The following GOLGB1 variants were observed in gnomAD, a reference collection of about 807,000 sequenced individuals.
GOLGB1 encodes the protein golgin B1.
Under a neutral mutation model 336.9 loss-of-function variants are expected in GOLGB1, and 174 were observed. The ratio of observed to expected loss-of-function variants is 0.52; its 90% confidence interval spans 0.46 to 0.59. GOLGB1 has a LOEUF of 0.59. Among genes scored for constraint, GOLGB1 ranks in the 20% least tolerant of loss-of-function variants. The probability of loss-of-function intolerance (pLI) is 0.00; values close to 1 mark genes in which losing one functional copy is unlikely to be tolerated. For synonymous variants in GOLGB1, 1,208 were observed against 1,289.2 expected, an observed-to-expected ratio of 0.94 and a Z score of 1.35; for missense variants, 3,331 against 3,645.3, an observed-to-expected ratio of 0.91 and a Z score of 2.22.
At chr3:121,677,179 C>A in intron 16 of GOLGB1, 106 bp downstream of exon 16, 1 of 1,210,278 alleles carries the variant, frequency 8.3e-7, no homozygotes, top group Non-Finnish European at 1.2e-6. Flanking sequence ...TTGTAGGAAG[C>A]TGATGCTTTC....
At chr3:121,688,900 C>A (rs1289778833) in intron 14 of GOLGB1, among the ~76,000 whole-genome samples, 1 of 150,232 alleles carries the variant, frequency 6.7e-6, no homozygotes. Flanking sequence ...TGAGGAGACC[C>A]TCCGCCTGGC....
chr3:121,730,719 C>A, intron 2 of GOLGB1, 157 bp downstream of exon 2: 1 of 638,432 alleles, frequency 1.6e-6, no homozygotes, highest in East Asian at 3.1e-5. Flanking sequence ...TAAAAACTTA[C>A]AAGAGAAGGA....
intron 9 of GOLGB1, among the ~76,000 whole-genome samples, chr3:121,716,249 TC>T (rs1944768243): frequency 1.3e-5 from 2 of 152,192 alleles, no homozygotes; most frequent in African/African-American, 4.8e-5. Context: ...TTTAAAAGTT[TC>T]CTTTATACCT....
At chr3:121,734,890 C>T (rs1946374888) in intron 1 of GOLGB1, among the ~76,000 whole-genome samples, 1 of 152,112 alleles carries the variant, frequency 6.6e-6, no homozygotes, top group Admixed American at 6.6e-5. Flanking sequence ...CTGAAAATAG[C>T]CAAGATATCC....
chr3:121,694,290 G>A lies in GOLGB1; in HGVS notation c.6233C>T (p.Ala2078Val). 2 of 1,610,260 alleles carry A rather than the reference G, an allele frequency of 1.2e-6. No homozygotes were observed. The highest frequency in any genetic ancestry group is 2.2e-5 in the South Asian group (2 of 90,990). ...LAQAVEHRKKAQAELASFKVL... is the reference protein window; with the variant it reads ...LAQAVEHRKKVQAELASFKVL... ...TTTGAAGCTAGCTAATTCTGCTTGT[G>A]CCTTTTTGCGGTGTTCAACTGCTTG... The change falls in exon 13 of 22, where the codon GCA becomes GTA. Residue 2078 changes from alanine (A) to valine (V), a missense_variant. Ala to Val is a moderately conservative substitution (Grantham distance 64). Coordinates refer to ENST00000614479, the MANE Select transcript of GOLGB1 (RefSeq NM_001366282.2).
chr3:121,691,549 T>A lies in GOLGB1; in HGVS notation c.7815A>T (p.Leu2605Phe). The A allele has an allele frequency of 6.2e-7, 1 of 1,613,130 alleles. No individual in the cohort carries two copies. ...FNALQEEKQD[L>F]SKEIESLKVS... ...CTTTCAAACTCTCAATCTCTTTAGA[T>A]AAATCTTGTTTCTCTTCTTGTAGGG... The change falls in exon 14 of 22, where the codon TTA becomes TTT. Residue 2605 changes from leucine to phenylalanine, a missense_variant. Transcript: ENST00000614479.
intron 10 of GOLGB1, among the ~76,000 whole-genome samples, chr3:121,704,305 G>A (rs558785861): frequency 5.9e-5 from 9 of 151,976 alleles, no homozygotes; most frequent in Non-Finnish European, 1.2e-4. Flanking sequence ...ACAAAAGCAA[G>A]CAAGAAAATG....
At chr3:121,680,369 TA>T (rs1312007681) in intron 15 of GOLGB1, among the ~76,000 whole-genome samples, 1 of 152,226 alleles carries the variant, frequency 6.6e-6, no homozygotes. Context: ...ATCAACAGTT[TA>T]TAACACTGAG....
At chr3:121,702,382 G>T in intron 11 of GOLGB1, 99 bp downstream of exon 11, 2 of 457,548 alleles carry the variant, frequency 4.4e-6, no homozygotes, top group Non-Finnish European at 7.8e-6. Flanking sequence ...TTATTATCAC[G>T]GAATCAGAGA....
Position 121,664,621 on chromosome 3 carries a change from G to T in GOLGB1, c.9661-7C>A, listed in dbSNP as rs199538697. ...ATCCAACGCCACTCCGGGTCTGAAA[G>T]AAAAATGTGAAAGTCAGAGAGTTTT... On this transcript the variant is annotated splice_region_variant and splice_polypyrimidine_tract_variant and intron_variant, in intron 21 of 21. Coordinates refer to ENST00000614479, the MANE Select transcript of GOLGB1 (RefSeq NM_001366282.2). 19 of 1,613,438 alleles carry T rather than the reference G, an allele frequency of 1.2e-5. No homozygotes were observed. In the Admixed American group the frequency reaches 2.0e-4, roughly 17 times the overall value.
At chr3:121,729,099 G>T (rs1576451662) in intron 4 of GOLGB1, 89 bp downstream of exon 4, 4 of 855,252 alleles carry the variant, frequency 4.7e-6, no homozygotes, top group East Asian at 2.6e-5. Flanking sequence ...TATCATTTTA[G>T]CATCCTAAAT....
chr3:121,698,451 A>G lies in GOLGB1; in HGVS notation c.2072T>C (p.Leu691Ser). Residue 691 changes from leucine (L) to serine (S), a missense_variant, in exon 13 of 22, where the codon TTG becomes TCG. Coordinates refer to ENST00000614479, the MANE Select transcript of GOLGB1 (RefSeq NM_001366282.2). ...PDIGQCHQDELERLKSQILEL... is the reference protein window; with the variant it reads ...PDIGQCHQDESERLKSQILEL... ...CAAAATTTGACTTTTTAACCTTTCC[A>G]ACTCATCCTGATGACACTGACCAAT... 6.2e-7 allele frequency: 1 copy of G among 1,613,938 alleles called. No individual in the cohort carries two copies. The highest frequency in any genetic ancestry group is 1.3e-5 in the African/African-American group (1 of 75,050).
rs140755094 is a variant in GOLGB1, at chr3:121,743,880, A to G, written c.-3+5752T>C. On this transcript the variant is annotated intron_variant, in intron 1 of 21. Coordinates refer to ENST00000614479, the MANE Select transcript of GOLGB1 (RefSeq NM_001366282.2). Reference sequence around the variant, plus strand: ...TGATGACAACATTCTAATAAATTTTAATTAGAATATTAAATAAAATATTAG... The same window carrying G: ...TGATGACAACATTCTAATAAATTTTGATTAGAATATTAAATAAAATATTAG... Among the ~76,000 whole-genome samples the G allele has an allele frequency of 6.1e-3, 929 of 152,304 alleles. 17 individuals carry two copies. Among genetic ancestry groups the G allele is most frequent in the African/African-American group, 0.021 (894 of 41,586 alleles).
chr3:121,695,822 A>T lies in GOLGB1; in HGVS notation c.4701T>A (p.Asn1567Lys). The change falls in exon 13 of 22, where the codon AAT (asparagine) becomes AAA (lysine). Residue 1567 changes from asparagine (N) to lysine (K), a missense_variant. Physicochemically the swap from Asn to Lys is moderately conservative, Grantham distance 94. Transcript: ENST00000614479. ...TTTCACAGGAGCTGCTGAGACTCTGATTTTCCAATAAAGACCTGTCCATTT... is the reference window on the plus strand; with the variant it reads ...TTTCACAGGAGCTGCTGAGACTCTGTTTTTCCAATAAAGACCTGTCCATTT... Reference protein sequence around the residue: ...ITEMDRSLLENQSLSSSCESL... With the variant: ...ITEMDRSLLEKQSLSSSCESL... 1 of 1,613,982 alleles carries T rather than the reference A, an allele frequency of 6.2e-7. No individual in the cohort carries two copies. Among genetic ancestry groups the T allele is most frequent in the Non-Finnish European group, 8.5e-7 (1 of 1,179,964 alleles).
At chr3:121,679,493 G>A (rs1269441424) in intron 15 of GOLGB1, among the ~76,000 whole-genome samples, 9 of 152,124 alleles carry the variant, frequency 5.9e-5, no homozygotes, top group African/African-American at 1.4e-4. Flanking sequence ...TCCATGACCC[G>A]GAAACACCAA....
chr3:121,731,907 A>C (rs1205297257), intron 1 of GOLGB1, among the ~76,000 whole-genome samples: 1 of 152,188 alleles, frequency 6.6e-6, no homozygotes, highest in Non-Finnish European at 1.5e-5. Context: ...AAAGATCAAT[A>C]AAATTGATAA....
chr3:121,682,912 CT>C (rs1941242938), intron 14 of GOLGB1, among the ~76,000 whole-genome samples: 1 of 152,030 alleles, frequency 6.6e-6, no homozygotes, highest in South Asian at 2.1e-4. Flanking sequence ...ATCAGTGGAA[CT>C]TACTCTGCAG....
At chr3:121,749,376 C>A (rs928944069) in intron 1 of GOLGB1, among the ~76,000 whole-genome samples, 2 of 152,160 alleles carry the variant, frequency 1.3e-5, no homozygotes, top group Non-Finnish European at 2.9e-5. Flanking sequence ...AGGGGACAGA[C>A]CGTGAGCAAG....
Position 121,664,526 on chromosome 3 carries a change from A to T in GOLGB1, c.9749T>A (p.Leu3250Gln). 6.2e-7 allele frequency: 1 copy of T among 1,613,782 alleles called. No individual in the cohort carries two copies. The highest frequency in any genetic ancestry group is 8.5e-7 in the Non-Finnish European group (1 of 1,179,622). ...CAGAATGAGCAGGACATGAATCATT[A>T]GAAAGTAGATGGCTGCTAGAAGTGG... is the stretch of plus-strand genomic sequence containing the variant. ...RVPLLAAIYF[L>Q]MIHVLLILCF... Residue 3250 changes from leucine (L) to glutamine (Q), a missense_variant, in exon 22 of 22, where the codon CTA becomes CAA. Transcript: ENST00000614479.
Sources: gnomAD v4.1 joint callset for allele counts (sites outside exome capture counted in the v4.1 genomes callset) on GRCh38, gnomAD v4.1.1 for gene constraint, MANE v1.5 for transcripts, NCBI Gene and HGNC (gene_info 2026-07-23, HGNC 2026-07-21) for gene names.